Variants in SLCO5A1 observed in about 807,000 individuals in gnomAD.
SLCO5A1 encodes the protein organic anion transporter polypeptide-related protein 4.
Under a neutral mutation model 65.1 loss-of-function variants are expected in SLCO5A1, and 39 were observed. That is an observed-to-expected ratio of 0.60 (90% CI 0.46 to 0.78). SLCO5A1 has a LOEUF of 0.78. Ranked by LOEUF, SLCO5A1 falls within the 30% of genes least tolerant of loss-of-function variation. The probability of loss-of-function intolerance (pLI) is 0.00; values close to 1 mark genes in which losing one functional copy is unlikely to be tolerated. For missense variants in SLCO5A1, 1,029 were observed against 1,069.4 expected (o/e 0.96, Z 0.53); for synonymous variants, 438 against 415.7 (o/e 1.05, Z -0.65).
At chr8:69,771,401 A>G (rs1175489391) in intron 2 of SLCO5A1, among the ~76,000 whole-genome samples, 1 of 152,118 alleles carries the variant, frequency 6.6e-6, no homozygotes, top group Non-Finnish European at 1.5e-5. Flanking sequence ...TGTCTCCTAT[A>G]CTTTTAAGTT....
chr8:69,831,695 C>T lies in SLCO5A1; in HGVS notation c.907+72G>A, dbSNP rs76904139. 6,838 of 1,442,490 alleles carry T rather than the reference C, an allele frequency of 4.7e-3. 55 individuals carry two copies. The highest frequency in any genetic ancestry group is 0.021 in the South Asian group (1,592 of 77,096). 89.4% of individuals were successfully genotyped at this position (1,442,490 alleles called of 1,614,324 possible). On this transcript the variant is annotated intron_variant, in intron 2 of 9. Transcript: ENST00000260126. ...CATGAAAATGTGAAAGAACATGTTT[C>T]CTTTTGATTTTTGTAAGGAAAGTAA... is the stretch of plus-strand genomic sequence containing the variant.
chr8:69,759,206 A>G (rs995061315), intron 3 of SLCO5A1, among the ~76,000 whole-genome samples: 62 of 152,334 alleles, frequency 4.1e-4, no homozygotes, highest in Admixed American at 2.9e-3. Context: ...GACATCGTAT[A>G]AAATAACATT....
At chr8:69,718,020 C>T (rs1815635486) in intron 5 of SLCO5A1, among the ~76,000 whole-genome samples, 1 of 152,142 alleles carries the variant, frequency 6.6e-6, no homozygotes, top group Non-Finnish European at 1.5e-5. Flanking sequence ...ATTCCTCCTA[C>T]ATAACTGAAA....
chr8:69,784,926 G>C (rs1397249091), intron 2 of SLCO5A1, among the ~76,000 whole-genome samples: 1 of 119,742 alleles, frequency 8.4e-6, no homozygotes, highest in Non-Finnish European at 1.7e-5. Context: ...AAGAAAGAAA[G>C]AAAGAAAGAA....
At chr8:69,724,212 T>G (rs530330525) in intron 5 of SLCO5A1, among the ~76,000 whole-genome samples, 1 of 152,340 alleles carries the variant, frequency 6.6e-6, no homozygotes, top group Admixed American at 6.5e-5. Flanking sequence ...ATTTATACAG[T>G]ACCTATTTCA....
Position 69,832,314 on chromosome 8 carries a change from G to GAGGC in SLCO5A1, c.356_359dup (p.Tyr121ProfsTer38). ...AACGGGAATCCGTGAGGACCACGTA[G>GAGGC]AGGCACCTTCTCTCCTGGAGCATGG... On this transcript the variant is annotated frameshift_variant, in exon 2 of 10. Transcript: ENST00000260126. LOFTEE classifies it high-confidence loss of function. The surrounding 1 kb of genome is among the most constrained non-coding windows in gnomAD (Gnocchi z 4.5). 6.2e-7 allele frequency: 1 copy of GAGGC among 1,614,220 alleles called. No homozygotes were observed. The highest frequency in any genetic ancestry group is 8.5e-7 in the Non-Finnish European group (1 of 1,180,036).
chr8:69,687,984 T>C (rs1814074209), intron 6 of SLCO5A1, among the ~76,000 whole-genome samples: 1 of 152,028 alleles, frequency 6.6e-6, no homozygotes, highest in South Asian at 2.1e-4. Flanking sequence ...GTTTTAAGGG[T>C]ATATATCTTA....
At position 69,679,619 on chromosome 8, in the gene SLCO5A1, T is replaced by A. The variant is rs777767194; in HGVS notation, c.1783A>T (p.Ile595Leu). The A allele has an allele frequency of 6.2e-7, 1 of 1,613,198 alleles. No homozygotes were observed. The highest frequency in any genetic ancestry group is 8.5e-7 in the Non-Finnish European group (1 of 1,179,274). The change falls in exon 8 of 10, where the codon ATA (isoleucine) becomes TTA (leucine). Residue 595 changes from isoleucine (I) to leucine (L), a missense_variant and splice_region_variant. Transcript: ENST00000260126. ...CAGGTGCATTCTGTATAATTCCGTA[T>A]CTAAGTGAGCAAAATAAAGATGAGT... Reference protein sequence around the residue: ...CVNSGNLSTGIRNYTECTCVQ... With the variant: ...CVNSGNLSTGLRNYTECTCVQ...
chr8:69,673,456 A>AT (rs922779905), intron 9 of SLCO5A1, 130 bp from the exon 10 acceptor site: 40 of 720,020 alleles, frequency 5.6e-5, no homozygotes, highest in African/African-American at 2.7e-4. Context: ...GTGTTACCAG[A>AT]TTTTTTTTAA....
intron 2 of SLCO5A1, among the ~76,000 whole-genome samples, chr8:69,788,748 A>C (rs959578429): frequency 6.6e-6 from 1 of 152,190 alleles, no homozygotes; most frequent in African/African-American, 2.4e-5. Context: ...ATAATGCATT[A>C]GCATTTTATT....
intron 6 of SLCO5A1, among the ~76,000 whole-genome samples, chr8:69,697,478 C>T (rs534215216): frequency 1.3e-5 from 2 of 152,064 alleles, no homozygotes; most frequent in South Asian, 4.2e-4. Flanking sequence ...AAAAGCAAAG[C>T]AAATCATTAA....
At chr8:69,804,838 C>A (rs1819921658) in intron 2 of SLCO5A1, among the ~76,000 whole-genome samples, 1 of 152,124 alleles carries the variant, frequency 6.6e-6, no homozygotes, top group African/African-American at 2.4e-5. Context: ...GAGTTGAACA[C>A]ACATGTCAGA....
At chr8:69,749,689 T>C (rs1462000074) in intron 4 of SLCO5A1, among the ~76,000 whole-genome samples, 1 of 151,790 alleles carries the variant, frequency 6.6e-6, no homozygotes, top group Non-Finnish European at 1.5e-5. Flanking sequence ...TCATCAAATA[T>C]TTACTATGTA....
chr8:69,756,866 G>A (rs1199474627), intron 3 of SLCO5A1, among the ~76,000 whole-genome samples: 2 of 152,322 alleles, frequency 1.3e-5, no homozygotes, highest in African/African-American at 4.8e-5. Context: ...GCAATCAGAG[G>A]TCCCTGGCAC....
chr8:69,776,363 C>A (rs1400442090), intron 2 of SLCO5A1, among the ~76,000 whole-genome samples: 1 of 151,846 alleles, frequency 6.6e-6, no homozygotes, highest in Non-Finnish European at 1.5e-5. Context: ...ATGAAGGATA[C>A]AAAATTCTTT....
chr8:69,809,733 G>GGTGTGTGTGT (rs111791623), intron 2 of SLCO5A1, among the ~76,000 whole-genome samples: 32 of 149,282 alleles, frequency 2.1e-4, no homozygotes, highest in African/African-American at 6.9e-4. Flanking sequence ...TAAGGAGTGT[G>GGTGTGTGTGT]GTGTGTGTGT....
chr8:69,693,066 G>T (rs536208715), intron 6 of SLCO5A1, among the ~76,000 whole-genome samples: 2 of 152,204 alleles, frequency 1.3e-5, no homozygotes, highest in South Asian at 4.1e-4. Flanking sequence ...ATTGCACTTC[G>T]ACCTTATGAC....
At chr8:69,715,544 A>G (rs1490255048) in intron 5 of SLCO5A1, among the ~76,000 whole-genome samples, 1 of 152,182 alleles carries the variant, frequency 6.6e-6, no homozygotes, top group African/African-American at 2.4e-5. Flanking sequence ...CACTAATAGC[A>G]GAACTGCAAA....
At chr8:69,790,720 G>A (rs1027076011) in intron 2 of SLCO5A1, among the ~76,000 whole-genome samples, 4 of 152,030 alleles carry the variant, frequency 2.6e-5, no homozygotes, top group Admixed American at 6.6e-5. Flanking sequence ...AATAATATGC[G>A]GTTTTAAACT....
Sources: gnomAD v4.1 joint callset for allele counts (sites outside exome capture counted in the v4.1 genomes callset) on GRCh38, gnomAD v4.1.1 for gene constraint, Gnocchi (gnomAD v3.1) non-coding constraint, MANE v1.5 for transcripts, NCBI Gene and HGNC (gene_info 2026-07-23, HGNC 2026-07-21) for gene names.